Variants in MAD1L1 observed in about 807,000 individuals in gnomAD.
MAD1L1 encodes the protein mitotic spindle assembly checkpoint protein MAD1.
A neutral mutation model predicts 96.9 loss-of-function variants in MAD1L1; 95 were observed. The observed-to-expected ratio is 0.98, with a 90% confidence interval of 0.83 to 1.16. The LOEUF is 1.16. Among genes scored for constraint, MAD1L1 ranks in the 50% most tolerant of loss-of-function variants. MAD1L1 has a pLI of 0.00. For synonymous variants in MAD1L1, 473 were observed against 396.6 expected (o/e 1.19, Z -2.29); for missense variants, 1,007 against 954.4 (o/e 1.06, Z -0.73).
chr7:1,907,011 G>A (rs1787676692), intron 17 of MAD1L1, among the ~76,000 whole-genome samples: 3 of 152,208 alleles, frequency 2.0e-5, no homozygotes, highest in Non-Finnish European at 4.4e-5. Flanking sequence ...GAGAGGCCAT[G>A]CCACTGCCCC....
In MAD1L1 at chr7:2,146,667, A is replaced by G. The variant is rs985317839; in HGVS notation, c.1073+2485T>C. 2.6e-5 allele frequency among the ~76,000 whole-genome samples: 4 copies of G among 152,198 alleles called. No individual in the cohort carries two copies. The highest frequency in any genetic ancestry group is 3.8e-4 in the East Asian group (2 of 5,204). ...TACAAGCTACTTTCAATGAGAAACAAACAAAAGTGACTTTAAAATGAGGCC... is the reference window on the plus strand; with the variant it reads ...TACAAGCTACTTTCAATGAGAAACAGACAAAAGTGACTTTAAAATGAGGCC... On this transcript the variant is annotated intron_variant, in intron 11 of 18. Coordinates refer to ENST00000265854, the MANE Select transcript of MAD1L1 (RefSeq NM_001013836.2). This position sits in a 1 kb window ranked among gnomAD's most constrained non-coding sequence, Gnocchi z 6.2.
At chr7:1,874,756 C>T (rs958349131) in intron 18 of MAD1L1, among the ~76,000 whole-genome samples, 28 of 151,728 alleles carry the variant, frequency 1.8e-4, no homozygotes, top group Admixed American at 4.6e-4. Flanking sequence ...TTAGTGTACA[C>T]GGGGAGGGGT....
intron 10 of MAD1L1, among the ~76,000 whole-genome samples, chr7:2,201,256 T>C (rs1308675895): frequency 8.8e-6 from 1 of 113,812 alleles, no homozygotes; most frequent in Non-Finnish European, 2.1e-5. Flanking sequence ...GGCCTTCAGC[T>C]TCTCTGCCTC....
chr7:1,980,666 G>A, intron 14 of MAD1L1, 125 bp from the exon 15 acceptor site: 1 of 758,760 alleles, frequency 1.3e-6, no homozygotes, highest in South Asian at 1.5e-5. Context: ...AGCTGCGGGA[G>A]AGACCTCTCT....
chr7:1,886,614 T>C (rs1786049193), intron 18 of MAD1L1, among the ~76,000 whole-genome samples: 2 of 152,186 alleles, frequency 1.3e-5, no homozygotes, highest in Non-Finnish European at 2.9e-5. Flanking sequence ...CGTGTGCAGG[T>C]TCTCTGCTCT....
intron 6 of MAD1L1, among the ~76,000 whole-genome samples, chr7:2,218,809 A>T (rs948380365): frequency 2.0e-5 from 3 of 152,082 alleles, no homozygotes; most frequent in Non-Finnish European, 2.9e-5. Flanking sequence ...CCGAGGCAGG[A>T]GAATCACTGA....
chr7:1,947,372 G>C (rs1241229763), intron 16 of MAD1L1, among the ~76,000 whole-genome samples: 1 of 152,238 alleles, frequency 6.6e-6, no homozygotes, highest in South Asian at 2.1e-4. Flanking sequence ...CGACAAGAGG[G>C]GAATGGAAAA....
At position 2,146,694 on chromosome 7, in the gene MAD1L1, G is replaced by A. The variant is rs770620184; in HGVS notation, c.1073+2458C>T. On this transcript the variant is annotated intron_variant, in intron 11 of 18. Transcript: ENST00000265854. This position sits in a 1 kb window ranked among gnomAD's most constrained non-coding sequence, Gnocchi z 6.2. ...CAAAAGTGACTTTAAAATGAGGCCC[G>A]CCTGGCAAAGCCCTCGGGGATCTGG... 2.0e-5 allele frequency among the ~76,000 whole-genome samples: 3 copies of A among 152,198 alleles called. No homozygotes were observed. Among genetic ancestry groups the A allele is most frequent in the Non-Finnish European group, 2.9e-5 (2 of 68,032 alleles).
At chr7:1,927,885 C>T (rs58466333) in intron 17 of MAD1L1, among the ~76,000 whole-genome samples, 4 of 152,114 alleles carry the variant, frequency 2.6e-5, no homozygotes, top group Admixed American at 6.5e-5. Context: ...AGGCTCGTCA[C>T]GGGCTGGGAG....
At chr7:2,220,706 C>T (rs888869998) in intron 5 of MAD1L1, among the ~76,000 whole-genome samples, 1 of 152,236 alleles carries the variant, frequency 6.6e-6, no homozygotes, top group Non-Finnish European at 1.5e-5. Flanking sequence ...CACCCCACGC[C>T]GCTCTGGGAA....
chr7:1,983,124 A>C (rs1013178845), intron 14 of MAD1L1, among the ~76,000 whole-genome samples: 15 of 147,000 alleles, frequency 1.0e-4, no homozygotes, highest in Admixed American at 5.6e-4. Context: ...ACGCACACAC[A>C]CCCACAGACG....
chr7:1,874,468 AGAG>A, intron 18 of MAD1L1: 1 of 451,328 alleles, frequency 2.2e-6, no homozygotes, highest in Non-Finnish European at 4.4e-6. Context: ...CTGGTGGAGG[AGAG>A]GAGGCGGAGG....
At position 1,982,617 on chromosome 7, in the gene MAD1L1, G is replaced by C. The variant is rs547145158; in HGVS notation, c.1417-2076C>G. Among the ~76,000 whole-genome samples the C allele has an allele frequency of 6.6e-5, 10 of 152,252 alleles. No homozygotes were observed. The South Asian group carries it at 2.1e-3, about 32-fold the overall frequency. On this transcript the variant is annotated intron_variant, in intron 14 of 18. Transcript: ENST00000265854. ...GCAGCAGTTCTCAGTTGATTCTCTTGGCACATAATCTTATCAGCAGCAAAG... is the reference window on the plus strand; with the variant it reads ...GCAGCAGTTCTCAGTTGATTCTCTTCGCACATAATCTTATCAGCAGCAAAG...
intron 11 of MAD1L1, among the ~76,000 whole-genome samples, chr7:2,141,405 T>C (rs891580508): frequency 1.3e-5 from 2 of 152,200 alleles, no homozygotes; most frequent in Non-Finnish European, 2.9e-5. Context: ...AGCAGCCAGC[T>C]GCAGCCTGAA....
intron 18 of MAD1L1, among the ~76,000 whole-genome samples, chr7:1,858,886 A>G (rs1784385569): frequency 6.6e-6 from 1 of 152,166 alleles, no homozygotes; most frequent in Admixed American, 6.5e-5. Context: ...CCTCTGGGAG[A>G]TCCCAGGTCA....
intron 17 of MAD1L1, among the ~76,000 whole-genome samples, chr7:1,911,675 C>A (rs747585186): frequency 6.6e-6 from 1 of 151,910 alleles, no homozygotes; most frequent in African/African-American, 2.4e-5. Flanking sequence ...CTCTCCAGTC[C>A]GGCGTCACCT....
intron 17 of MAD1L1, among the ~76,000 whole-genome samples, chr7:1,909,672 C>A (rs545282288): frequency 6.6e-6 from 1 of 152,274 alleles, no homozygotes; most frequent in Admixed American, 6.5e-5. Context: ...GAGACCAGCC[C>A]GAGGGGCTGG....
intron 17 of MAD1L1, among the ~76,000 whole-genome samples, chr7:1,913,756 G>A (rs1788170871): frequency 6.6e-6 from 1 of 152,170 alleles, no homozygotes; most frequent in Non-Finnish European, 1.5e-5. Flanking sequence ...ACACAGCAGA[G>A]CCACTGGGGC....
chr7:1,963,743 TCTGGGGCACTCCCACTCA>T (rs1261212680), intron 15 of MAD1L1, among the ~76,000 whole-genome samples: 2 of 152,172 alleles, frequency 1.3e-5, no homozygotes, highest in Non-Finnish European at 2.9e-5. Flanking sequence ...TCCCTGGGTG[TCTGGGGCACTCCCACTCA>T]CACCAACATC....
Sources: gnomAD v4.1 joint callset for allele counts (sites outside exome capture counted in the v4.1 genomes callset) on GRCh38, gnomAD v4.1.1 for gene constraint, Gnocchi (gnomAD v3.1) non-coding constraint, MANE v1.5 for transcripts, NCBI Gene and HGNC (gene_info 2026-07-23, HGNC 2026-07-21) for gene names.